Variants in CNOT2 observed in about 807,000 individuals in gnomAD.
CNOT2 encodes CC chemokine receptor 4-negative regulator of transcription 2.
In CNOT2, 7 loss-of-function variants were observed where a neutral mutation model predicts 72.1. The ratio of observed to expected loss-of-function variants is 0.10; its 90% CI spans 0.06 to 0.18. The LOEUF is 0.18. Among genes scored for constraint, CNOT2 ranks in the 10% least tolerant of loss-of-function variants. The probability of loss-of-function intolerance (pLI) is 1.00; values close to 1 mark genes in which losing one functional copy is unlikely to be tolerated. For synonymous variants in CNOT2, 196 were observed against 225.6 expected (o/e 0.87, Z 1.17); for missense variants, 345 against 660.3 (o/e 0.52, Z 5.23).
At chr12:70,346,084 A>ATTT in intron 14 of CNOT2, 96 bp from the exon 15 acceptor site, 2 of 650,602 alleles carry the variant, frequency 3.1e-6, no homozygotes, top group Non-Finnish European at 5.1e-6. Context: ...TTTATGTGTA[A>ATTT]TTTTTTTTTT....
intron 4 of CNOT2, chr12:70,323,801 A>T (rs1169096931): frequency 1.3e-5 from 2 of 151,804 alleles, no homozygotes; most frequent in Non-Finnish European, 2.9e-5. Flanking sequence ...TTTCCACCAT[A>T]AAACATCCTT....
At chr12:70,259,687 T>C (rs1173236202) in intron 1 of CNOT2, among the ~76,000 whole-genome samples, 1 of 152,234 alleles carries the variant, frequency 6.6e-6, no homozygotes, top group Non-Finnish European at 1.5e-5. Flanking sequence ...TGTTCACTTC[T>C]GTTGGATATT....
At chr12:70,255,092 C>T (rs1958366044) in intron 1 of CNOT2, among the ~76,000 whole-genome samples, 1 of 151,574 alleles carries the variant, frequency 6.6e-6, no homozygotes, top group South Asian at 2.1e-4. Context: ...CTGCTATGTT[C>T]ATCGGAGCAG....
At chr12:70,348,503 G>A (rs928762260) in intron 15 of CNOT2, among the ~76,000 whole-genome samples, 1 of 151,996 alleles carries the variant, frequency 6.6e-6, no homozygotes, top group Admixed American at 6.6e-5. Flanking sequence ...TTTGGAAGAA[G>A]AAAAAAATTT....
chr12:70,293,126 T>C (rs1288829534), intron 2 of CNOT2, among the ~76,000 whole-genome samples: 1 of 152,022 alleles, frequency 6.6e-6, no homozygotes, highest in Non-Finnish European at 1.5e-5. Context: ...TTTTCAAGGA[T>C]TCAACATTTT....
At chr12:70,301,767 A>C (rs1417992390) in intron 2 of CNOT2, 2 of 152,228 alleles carry the variant, frequency 1.3e-5, no homozygotes, top group Admixed American at 6.5e-5. Flanking sequence ...CTCTTTTTCT[A>C]TTTATTGGAA....
At chr12:70,282,995 A>G (rs965618593) in intron 2 of CNOT2, among the ~76,000 whole-genome samples, 11 of 152,248 alleles carry the variant, frequency 7.2e-5, no homozygotes, top group African/African-American at 2.7e-4. Flanking sequence ...ACTACTTAAT[A>G]TAAACAGAAA....
intron 2 of CNOT2, among the ~76,000 whole-genome samples, chr12:70,292,472 T>G (rs927149211): frequency 1.7e-4 from 26 of 152,042 alleles, no homozygotes; most frequent in African/African-American, 6.3e-4. Context: ...CTGAAGTAGG[T>G]GAAGTAGGAA....
At chr12:70,264,480 T>G (rs1269554000) in intron 1 of CNOT2, among the ~76,000 whole-genome samples, 1 of 152,224 alleles carries the variant, frequency 6.6e-6, no homozygotes, top group Non-Finnish European at 1.5e-5. Context: ...GGTGGTAGCC[T>G]CTAGTCTTTT....
chr12:70,312,799 C>CTTA (rs1208854351), intron 3 of CNOT2, among the ~76,000 whole-genome samples: 6 of 151,796 alleles, frequency 4.0e-5, no homozygotes, highest in African/African-American at 1.5e-4. Context: ...TATTGGCTAC[C>CTTA]TTATACATTG....
chr12:70,351,700 T>A (rs749683326), intron 15 of CNOT2, among the ~76,000 whole-genome samples: 2 of 152,094 alleles, frequency 1.3e-5, no homozygotes, highest in Non-Finnish European at 2.9e-5. Flanking sequence ...ACAATTAGAC[T>A]TTTTTTCCCT....
At chr12:70,290,160 G>A (rs1214057933) in intron 2 of CNOT2, among the ~76,000 whole-genome samples, 1 of 151,624 alleles carries the variant, frequency 6.6e-6, no homozygotes, top group Non-Finnish European at 1.5e-5. Context: ...TGGCTCATAG[G>A]AAAATAAATG....
At chr12:70,272,821 T>C (rs1441338291) in intron 1 of CNOT2, among the ~76,000 whole-genome samples, 1 of 152,192 alleles carries the variant, frequency 6.6e-6, no homozygotes, top group Non-Finnish European at 1.5e-5. Context: ...CATATTCTTA[T>C]GCTCACCCGA....
At chr12:70,254,920 G>A (rs532469127) in intron 1 of CNOT2, among the ~76,000 whole-genome samples, 3 of 149,818 alleles carry the variant, frequency 2.0e-5, no homozygotes, top group Non-Finnish European at 4.4e-5. Context: ...GGCGGAGGTT[G>A]CAGTGAGTTG....
intron 5 of CNOT2, among the ~76,000 whole-genome samples, chr12:70,329,857 G>A (rs1879664149): frequency 6.6e-6 from 1 of 151,942 alleles, no homozygotes; most frequent in Admixed American, 6.6e-5. Context: ...AGGAATATGT[G>A]CAATTTAAAA....
Position 70,329,518 on chromosome 12 carries a change from C to A in CNOT2, c.334C>A (p.Pro112Thr). ...QGTQLPSHVT[P>T]TTGVPTMSLH... ...CACTCAGTTACCGAGCCACGTCACG[C>A]CAACAACAGGGGTACCAACAATGTC... Residue 112 changes from proline to threonine, a missense_variant, in exon 5 of 16, where the codon CCA (proline) becomes ACA (threonine). By Grantham distance (38) the Pro-to-Thr change is conservative. This residue lies in a region of CNOT2 where 157 missense variants were observed against 235.3 expected (regional missense o/e 0.67). Transcript: ENST00000229195. The A allele has an allele frequency of 6.2e-7, 1 of 1,610,936 alleles. No homozygotes were observed. The highest frequency in any genetic ancestry group is 8.5e-7 in the Non-Finnish European group (1 of 1,177,588).
chr12:70,345,924 T>C (rs1051522328), intron 14 of CNOT2: 7 of 314,618 alleles, frequency 2.2e-5, no homozygotes, highest in Admixed American at 4.9e-5. Flanking sequence ...AAAATCCTTG[T>C]TTGTATAAAA....
chr12:70,267,261 C>T (rs933754193), intron 1 of CNOT2, among the ~76,000 whole-genome samples: 1 of 151,964 alleles, frequency 6.6e-6, no homozygotes, highest in African/African-American at 2.4e-5. Flanking sequence ...TCATCAGGGC[C>T]GTAAATCCTT....
At chr12:70,341,206 G>A (rs988844612) in intron 11 of CNOT2, among the ~76,000 whole-genome samples, 1 of 151,970 alleles carries the variant, frequency 6.6e-6, no homozygotes, top group African/African-American at 2.4e-5. Context: ...AATCTTCACA[G>A]GCCTGCAAGG....
Sources: gnomAD v4.1 joint callset for allele counts (sites outside exome capture counted in the v4.1 genomes callset) on GRCh38, gnomAD v4.1.1 for gene constraint, gnomAD v4.1.1 regional missense constraint, MANE v1.5 for transcripts, NCBI Gene and HGNC (gene_info 2026-07-23, HGNC 2026-07-21) for gene names.